LSAMP: variants seen among roughly 807,000 people sequenced by gnomAD.
LSAMP encodes limbic system associated membrane protein.
A neutral mutation model predicts 38.6 loss-of-function variants in LSAMP; 7 were observed. That is an observed-to-expected ratio of 0.18 (90% CI 0.10 to 0.34). The LOEUF (loss-of-function observed/expected upper bound fraction) is 0.34, where lower values mean the gene tolerates loss of function less well. LSAMP is among the 10% of genes least tolerant of loss of function. The probability of loss-of-function intolerance (pLI) is 1.00; values close to 1 mark genes in which losing one functional copy is unlikely to be tolerated. For missense variants in LSAMP, 313 were observed against 420.0 expected, an observed-to-expected ratio of 0.75 and a Z score of 2.23; for synonymous variants, 154 against 166.8, an observed-to-expected ratio of 0.92 and a Z score of 0.59.
At chr3:115,930,008 T>TTTTTG (rs1937556211) in intron 3 of LSAMP, among the ~76,000 whole-genome samples, 1 of 136,472 alleles carries the variant, frequency 7.3e-6, no homozygotes, top group Non-Finnish European at 1.6e-5. Flanking sequence ...AGAAGTTTTT[T>TTTTTG]TTTTTTTTTT....
At chr3:116,070,166 G>C (rs1033186083) in intron 2 of LSAMP, among the ~76,000 whole-genome samples, 5 of 152,110 alleles carry the variant, frequency 3.3e-5, no homozygotes, top group African/African-American at 4.8e-5. Context: ...ACATAAGAAG[G>C]CTGGCTCTTT....
Position 115,879,011 on chromosome 3 carries a change from C to T in LSAMP, c.515-26394G>A, listed in dbSNP as rs1936257498. On this transcript the variant is annotated intron_variant, in intron 3 of 6. Coordinates refer to ENST00000490035, the MANE Select transcript of LSAMP (RefSeq NM_002338.5). ...TACTCCAAAGCTGCAGGACACATGT[C>T]TCAAAATGTTGATGAAAGTTACATG... Among the ~76,000 whole-genome samples the T allele has an allele frequency of 3.3e-5, 5 of 152,212 alleles. No individual in the cohort carries two copies. The South Asian group carries it at 1.0e-3, about 32-fold the overall frequency.
At chr3:116,173,082 A>G (rs1710243439) in intron 1 of LSAMP, among the ~76,000 whole-genome samples, 1 of 152,082 alleles carries the variant, frequency 6.6e-6, no homozygotes, top group Admixed American at 6.6e-5. Context: ...ATGATAACTA[A>G]AAGAACAAGG....
intron 1 of LSAMP, among the ~76,000 whole-genome samples, chr3:116,309,159 C>G (rs183583254): frequency 1.3e-5 from 2 of 152,154 alleles, no homozygotes; most frequent in Admixed American, 1.3e-4. Flanking sequence ...ATTTATAAAG[C>G]ATCAATTAGC....
chr3:116,113,415 TATA>T (rs1273721900), intron 1 of LSAMP, among the ~76,000 whole-genome samples: 5 of 68,114 alleles, frequency 7.3e-5, no homozygotes, highest in African/African-American at 3.2e-4. Flanking sequence ...TATATATATA[TATA>T]TATTTTTTTT....
At chr3:115,837,166 G>C (rs1422669603) in intron 6 of LSAMP, among the ~76,000 whole-genome samples, 2 of 152,188 alleles carry the variant, frequency 1.3e-5, no homozygotes, top group African/African-American at 4.8e-5. Context: ...ACTCCCTCTA[G>C]TGGTGGATTA....
In LSAMP at chr3:116,211,001, TA is replaced by T. The variant is rs1297381889; in HGVS notation, c.156-124446del. ...CACACAATGGAATACTACTCAACCT[TA>T]AAAAAAAAAAAACAAAAACAAATCC... On this transcript the variant is annotated intron_variant, in intron 1 of 6. Coordinates refer to ENST00000490035, the MANE Select transcript of LSAMP (RefSeq NM_002338.5). Among the ~76,000 whole-genome samples the T allele has an allele frequency of 2.7e-3, 397 of 145,336 alleles. 2 individuals are homozygous for T. The highest frequency in any genetic ancestry group is 8.1e-3 in the African/African-American group (319 of 39,208).
chr3:116,391,479 C>T (rs547559522), intron 1 of LSAMP, among the ~76,000 whole-genome samples: 37 of 152,278 alleles, frequency 2.4e-4, no homozygotes, highest in African/African-American at 7.9e-4. Context: ...TTGGAGCCTG[C>T]CCCTGGGAGA....
At chr3:116,436,010 C>G (rs115256742) in intron 1 of LSAMP, among the ~76,000 whole-genome samples, 1 of 152,080 alleles carries the variant, frequency 6.6e-6, no homozygotes, top group African/African-American at 2.4e-5. Context: ...AAAAGGGGGC[C>G]GGGGTTGTGA....
chr3:116,417,694 C>A (rs891037258), intron 1 of LSAMP, among the ~76,000 whole-genome samples: 1 of 152,156 alleles, frequency 6.6e-6, no homozygotes, highest in Non-Finnish European at 1.5e-5. Context: ...TTTTAAAAAA[C>A]CAGCTGGCTT....
At chr3:115,884,605 G>A (rs755864006) in intron 3 of LSAMP, among the ~76,000 whole-genome samples, 10 of 152,098 alleles carry the variant, frequency 6.6e-5, no homozygotes, top group African/African-American at 1.9e-4. Context: ...AGATGACTAC[G>A]GAGGGCTCGC....
intron 1 of LSAMP, among the ~76,000 whole-genome samples, chr3:116,319,337 C>G (rs538114504): frequency 1.3e-5 from 2 of 152,118 alleles, no homozygotes; most frequent in Non-Finnish European, 2.9e-5. Flanking sequence ...AGTTTCACTA[C>G]GTCAGGCATC....
intron 3 of LSAMP, among the ~76,000 whole-genome samples, chr3:116,016,397 A>T (rs754037694): frequency 6.6e-6 from 1 of 152,218 alleles, no homozygotes; most frequent in Non-Finnish European, 1.5e-5. Flanking sequence ...CTAGTTTTGC[A>T]TGTGCCAGAA....
At chr3:116,234,408 T>C (rs181631337) in intron 1 of LSAMP, among the ~76,000 whole-genome samples, 1 of 152,316 alleles carries the variant, frequency 6.6e-6, no homozygotes, top group Admixed American at 6.5e-5. Context: ...TGAAGGACAC[T>C]GTAGCCAGCT....
At chr3:115,811,849 T>C (rs963342817) in intron 6 of LSAMP, among the ~76,000 whole-genome samples, 1 of 152,206 alleles carries the variant, frequency 6.6e-6, no homozygotes, top group Non-Finnish European at 1.5e-5. Context: ...ATAAGGTAGA[T>C]ACTATGATGA....
At chr3:116,175,609 G>A (rs543372742) in intron 1 of LSAMP, among the ~76,000 whole-genome samples, 1 of 152,084 alleles carries the variant, frequency 6.6e-6, no homozygotes, top group African/African-American at 2.4e-5. Flanking sequence ...TGTAGGAGAG[G>A]TGTACACCCA....
chr3:116,307,286 G>A (rs145117815), intron 1 of LSAMP, among the ~76,000 whole-genome samples: 2 of 151,804 alleles, frequency 1.3e-5, no homozygotes, highest in East Asian at 3.9e-4. Context: ...CCTCTATTTG[G>A]GTTTGTAATA....
Position 116,425,208 on chromosome 3 carries a change from T to C in LSAMP, c.155+19669A>G, listed in dbSNP as rs561955838. ...TAACGAACAGCATAGTGAGGTTATA[T>C]GCTCACCTTTGATATTTTCATTGAC... is the stretch of plus-strand genomic sequence containing the variant. On this transcript the variant is annotated intron_variant, in intron 1 of 6. Transcript: ENST00000490035. Among the ~76,000 whole-genome samples, 4 of 152,354 alleles carry C rather than the reference T, an allele frequency of 2.6e-5. No individual in the cohort carries two copies. In the East Asian group the frequency reaches 5.8e-4, roughly 22 times the overall value.
intron 2 of LSAMP, among the ~76,000 whole-genome samples, chr3:116,084,455 CAAA>C (rs57753152): frequency 4.9e-5 from 5 of 102,390 alleles, no homozygotes; most frequent in African/African-American, 6.1e-5. Flanking sequence ...AAAATCATGG[CAAA>C]AAAAAAAAAA....
Sources: allele counts gnomAD v4.1 joint callset (sites outside exome capture counted in the v4.1 genomes callset), GRCh38; gene constraint gnomAD v4.1.1; transcripts MANE v1.5; gene names NCBI Gene and HGNC (gene_info 2026-07-23, HGNC 2026-07-21).